Variants in PTPRD observed in about 807,000 individuals in gnomAD.
PTPRD encodes protein tyrosine phosphatase receptor type D.
In PTPRD, 34 loss-of-function variants were observed where a neutral mutation model predicts 214.5. The ratio of observed to expected loss-of-function variants is 0.16; its 90% confidence interval spans 0.12 to 0.21. The LOEUF is 0.21. Ranked by LOEUF, PTPRD falls within the 10% of genes least tolerant of loss-of-function variation. The probability of loss-of-function intolerance (pLI) is 1.00; values close to 1 mark genes in which losing one functional copy is unlikely to be tolerated. For missense variants in PTPRD, 2,545 were observed against 2,398.7 expected (o/e 1.06, Z -1.27); for synonymous variants, 1,128 against 845.7 (o/e 1.33, Z -5.79).
intron 4 of PTPRD, among the ~76,000 whole-genome samples, chr9:9,977,654 G>C (rs116084762): frequency 0.01 from 1,579 of 152,110 alleles, 25 homozygotes; most frequent in African/African-American, 0.036. Flanking sequence ...CGACTGACGA[G>C]GACATATCAA....
At chr9:9,284,966 A>G (rs1314852018) in intron 9 of PTPRD, among the ~76,000 whole-genome samples, 1 of 151,808 alleles carries the variant, frequency 6.6e-6, no homozygotes, top group Non-Finnish European at 1.5e-5. Flanking sequence ...ATGTCAAGCT[A>G]ACATAGAACA....
chr9:9,948,511 A>G (rs565577222), intron 4 of PTPRD, among the ~76,000 whole-genome samples: 6 of 152,208 alleles, frequency 3.9e-5, no homozygotes, highest in African/African-American at 1.2e-4. Context: ...AAGGATAATA[A>G]AAGTAAAATG....
At chr9:9,830,937 C>T (rs1423796314) in intron 5 of PTPRD, among the ~76,000 whole-genome samples, 1 of 151,816 alleles carries the variant, frequency 6.6e-6, no homozygotes, top group Non-Finnish European at 1.5e-5. Flanking sequence ...GTATCAGACC[C>T]TCAAGAATAT....
intron 7 of PTPRD, among the ~76,000 whole-genome samples, chr9:9,585,820 G>A (rs1473061015): frequency 6.6e-6 from 1 of 152,014 alleles, no homozygotes. Flanking sequence ...AGACTCAAAG[G>A]TAGGTAGGGG....
At position 10,031,185 on chromosome 9, in the gene PTPRD, A is replaced by G. The variant is rs551932203; in HGVS notation, c.-472+2533T>C. 4.6e-4 allele frequency among the ~76,000 whole-genome samples: 70 copies of G among 152,282 alleles called. 1 individual carries two copies. The South Asian group carries it at 0.014, about 31-fold the overall frequency. On this transcript the variant is annotated intron_variant, in intron 4 of 45. Transcript: ENST00000381196. ...TTAGGCAGAAATTGATCCCTAAAAT[A>G]TAGCTGAATTTAAGTGAATTATCTA... is the stretch of plus-strand genomic sequence containing the variant.
intron 31 of PTPRD, among the ~76,000 whole-genome samples, chr9:8,467,209 G>A (rs957570266): frequency 6.6e-6 from 1 of 151,776 alleles, no homozygotes; most frequent in Non-Finnish European, 1.5e-5. Context: ...GAAAACCACG[G>A]TAGATTGGGC....
intron 3 of PTPRD, among the ~76,000 whole-genome samples, chr9:10,266,405 C>T (rs968027171): frequency 1.3e-5 from 2 of 151,918 alleles, no homozygotes; most frequent in Admixed American, 6.6e-5. Flanking sequence ...GAAGAGAAAG[C>T]AATAAGAGAA....
intron 5 of PTPRD, among the ~76,000 whole-genome samples, chr9:9,909,972 CAGTT>C (rs1325415097): frequency 6.6e-6 from 1 of 151,864 alleles, no homozygotes; most frequent in African/African-American, 2.4e-5. Flanking sequence ...ATCATCCTAT[CAGTT>C]AGAGAAAAGT....
chr9:8,344,945 G>A (rs1327107141), intron 39 of PTPRD, among the ~76,000 whole-genome samples: 2 of 48,648 alleles, frequency 4.1e-5, no homozygotes, highest in Non-Finnish European at 2.1e-4. Flanking sequence ...TACTTTCTAG[G>A]TACAAACTCC....
At chr9:8,458,098 A>G (rs181343634) in intron 33 of PTPRD, among the ~76,000 whole-genome samples, 2 of 152,170 alleles carry the variant, frequency 1.3e-5, no homozygotes, top group Non-Finnish European at 2.9e-5. Context: ...TATACTTAGC[A>G]TTCGAGGATG....
intron 7 of PTPRD, among the ~76,000 whole-genome samples, chr9:9,733,668 C>T (rs756810618): frequency 6.6e-6 from 1 of 152,146 alleles, no homozygotes; most frequent in Non-Finnish European, 1.5e-5. Context: ...TGTATTTCTG[C>T]AGTCCATCAA....
intron 9 of PTPRD, among the ~76,000 whole-genome samples, chr9:9,235,770 G>T (rs567951814): frequency 9.2e-5 from 14 of 152,204 alleles, no homozygotes; most frequent in African/African-American, 3.4e-4. Flanking sequence ...GTAAAAATTT[G>T]TTTGTTCCTT....
Position 9,232,828 on chromosome 9 carries a change from C to A in PTPRD, c.-202-49465G>T, listed in dbSNP as rs529263630. ...ACCCACGATCCCTCTGACCTTCTGA[C>A]ATTCTTCTTGAAGCAAGTCACAGAA... On this transcript the variant is annotated intron_variant, in intron 9 of 45. Coordinates refer to ENST00000381196, the MANE Select transcript of PTPRD (RefSeq NM_002839.4). Among the ~76,000 whole-genome samples the A allele has an allele frequency of 9.3e-4, 142 of 152,234 alleles. 1 individual carries two copies. The highest frequency in any genetic ancestry group is 3.2e-3 in the African/African-American group (135 of 41,548).
At chr9:8,421,370 T>TTCTCTTCTCTTCTCTTCTC (rs141962478) in intron 35 of PTPRD, among the ~76,000 whole-genome samples, 6 of 146,644 alleles carry the variant, frequency 4.1e-5, no homozygotes, top group Non-Finnish European at 1.5e-5. Flanking sequence ...TTCTCTTCTC[T>TTCTCTTCTCTTCTCTTCTC]TCTCTCTCTC....
At chr9:9,290,808 T>A (rs1415637531) in intron 9 of PTPRD, among the ~76,000 whole-genome samples, 15 of 151,680 alleles carry the variant, frequency 9.9e-5, no homozygotes, top group Non-Finnish European at 1.0e-4. Context: ...ATGAATATTA[T>A]AATATCATTA....
intron 2 of PTPRD, among the ~76,000 whole-genome samples, chr9:10,521,533 G>C (rs1184715501): frequency 3.3e-5 from 5 of 152,186 alleles, no homozygotes. Context: ...AATTTTGAAA[G>C]AATGTCTACT....
intron 3 of PTPRD, among the ~76,000 whole-genome samples, chr9:10,042,480 A>G (rs1465209587): frequency 6.6e-6 from 1 of 151,942 alleles, no homozygotes; most frequent in Non-Finnish European, 1.5e-5. Context: ...GCCCTGCTCT[A>G]GGGTAGAATT....
chr9:8,388,977 T>A (rs73416489), intron 37 of PTPRD, among the ~76,000 whole-genome samples: 3,843 of 138,784 alleles, frequency 0.028, 166 homozygotes, highest in African/African-American at 0.1. Flanking sequence ...TTCCTGTGAA[T>A]ATTCCTTTTT....
At chr9:9,970,131 G>A (rs2094985745) in intron 4 of PTPRD, among the ~76,000 whole-genome samples, 1 of 152,072 alleles carries the variant, frequency 6.6e-6, no homozygotes, top group African/African-American at 2.4e-5. Context: ...GGATAATGAG[G>A]AACCAGCAAA....
Sources: gnomAD v4.1 joint callset for allele counts (sites outside exome capture counted in the v4.1 genomes callset) on GRCh38, gnomAD v4.1.1 for gene constraint, MANE v1.5 for transcripts, NCBI Gene and HGNC (gene_info 2026-07-23, HGNC 2026-07-21) for gene names.